The following RAB3C variants were observed in gnomAD, a reference collection of about 807,000 sequenced individuals.
RAB3C encodes RAB3C, member RAS oncogene family.
In RAB3C, 17 loss-of-function variants were observed where a neutral mutation model predicts 26.4. That is an observed-to-expected ratio of 0.64 (90% CI 0.44 to 0.97). The LOEUF is 0.97. Among genes scored for constraint, RAB3C ranks in the 50% least tolerant of loss-of-function variants. The pLI, the probability that RAB3C is intolerant of heterozygous loss-of-function variation, is 0.00. For missense variants in RAB3C, 242 were observed against 281.9 expected, an observed-to-expected ratio of 0.86 and a Z score of 1.01; for synonymous variants, 91 against 95.9, an observed-to-expected ratio of 0.95 and a Z score of 0.30.
At chr5:58,748,772 T>C (rs902996019) in intron 3 of RAB3C, among the ~76,000 whole-genome samples, 1 of 152,216 alleles carries the variant, frequency 6.6e-6, no homozygotes, top group African/African-American at 2.4e-5. Flanking sequence ...CTCCTTCTTC[T>C]ATAACATAGT....
chr5:58,753,051 G>A (rs1003547769), intron 3 of RAB3C, among the ~76,000 whole-genome samples: 4 of 152,004 alleles, frequency 2.6e-5, no homozygotes, highest in African/African-American at 9.7e-5. Context: ...CAGAAAAATG[G>A]TTAATAGGAT....
At chr5:58,651,627 A>G (rs754412999) in intron 2 of RAB3C, among the ~76,000 whole-genome samples, 2 of 152,208 alleles carry the variant, frequency 1.3e-5, no homozygotes, top group Non-Finnish European at 2.9e-5. Flanking sequence ...TTCAACTTCA[A>G]TGAATTTATT....
intron 3 of RAB3C, among the ~76,000 whole-genome samples, chr5:58,765,515 A>G (rs574763632): frequency 1.3e-5 from 2 of 152,326 alleles, no homozygotes; most frequent in African/African-American, 4.8e-5. Context: ...ACCACCATCA[A>G]TATTTGCTGT....
At chr5:58,597,780 A>G in intron 1 of RAB3C, among the ~76,000 whole-genome samples, 1 of 93,304 alleles carries the variant, frequency 1.1e-5, no homozygotes, top group Non-Finnish European at 1.9e-5. Context: ...ATAATACATT[A>G]TATATAAGTA....
chr5:58,817,471 A>G (rs1743241932), intron 3 of RAB3C, among the ~76,000 whole-genome samples: 1 of 152,164 alleles, frequency 6.6e-6, no homozygotes, highest in African/African-American at 2.4e-5. Context: ...CATTTATAGC[A>G]TGTGTAACTA....
chr5:58,823,606 A>C lies in RAB3C; in HGVS notation c.372-1432A>C, dbSNP rs76012011. The C allele has an allele frequency of 4.5e-3, 923 of 207,156 alleles. 12 individuals are homozygous for C. The highest frequency in any genetic ancestry group is 0.02 in the African/African-American group (877 of 43,286). The allele number at this position is 207,156 out of a possible 1,614,324, so 12.8% of individuals were successfully genotyped here. On this transcript the variant is annotated intron_variant, in intron 3 of 4. Transcript: ENST00000282878. ...TATGAGAAGCCCAAGAAAGAAGTTA[A>C]AAACAGCAGGTGGAAACATCCCAAA... is the stretch of plus-strand genomic sequence containing the variant.
chr5:58,717,327 A>C (rs973530908), intron 2 of RAB3C, among the ~76,000 whole-genome samples: 2 of 152,080 alleles, frequency 1.3e-5, no homozygotes, highest in African/African-American at 4.8e-5. Context: ...TTGCTGTTTC[A>C]AAATCAGGGA....
At position 58,713,817 on chromosome 5, in the gene RAB3C, C is replaced by A. The variant is rs145172752; in HGVS notation, c.253-12185C>A. Among the ~76,000 whole-genome samples the A allele has an allele frequency of 2.7e-3, 411 of 152,214 alleles. 1 individual carries two copies. The highest frequency in any genetic ancestry group is 9.4e-3 in the African/African-American group (389 of 41,550). ...AAACACAGGCATAAACCAGGACATT[C>A]TTGGGCAAACTAGGACGTATGGTTA... On this transcript the variant is annotated intron_variant, in intron 2 of 4. Transcript: ENST00000282878.
At chr5:58,591,942 A>G (rs1222247537) in intron 1 of RAB3C, among the ~76,000 whole-genome samples, 1 of 140,130 alleles carries the variant, frequency 7.1e-6, no homozygotes, top group Admixed American at 7.6e-5. Context: ...CTTGTTGCGC[A>G]GGCTGGAGTG....
rs1310268103 is a variant in RAB3C, at chr5:58,847,652, T to C, written c.497-3512T>C. 2.0e-5 allele frequency among the ~76,000 whole-genome samples: 3 copies of C among 152,086 alleles called. No homozygotes were observed. The East Asian group carries it at 5.8e-4, about 29-fold the overall frequency. ...CATGAGCATCCTCATACACAGGTGA[T>C]TGAATGAAAAGACTGATTCGCTTGG... On this transcript the variant is annotated intron_variant, in intron 4 of 4. Transcript: ENST00000282878.
intron 1 of RAB3C, among the ~76,000 whole-genome samples, chr5:58,607,735 G>T (rs956774881): frequency 6.6e-6 from 1 of 152,212 alleles, no homozygotes; most frequent in Non-Finnish European, 1.5e-5. Flanking sequence ...CCCTACAAGT[G>T]AGAAGAGAGT....
At chr5:58,606,081 G>T (rs1746561989) in intron 1 of RAB3C, among the ~76,000 whole-genome samples, 1 of 152,196 alleles carries the variant, frequency 6.6e-6, no homozygotes, top group Non-Finnish European at 1.5e-5. Context: ...AGGGTGAGCT[G>T]AAGCAGGGTG....
At chr5:58,600,465 A>G (rs560157256) in intron 1 of RAB3C, among the ~76,000 whole-genome samples, 75 of 152,236 alleles carry the variant, frequency 4.9e-4, no homozygotes, top group Admixed American at 2.7e-3. Context: ...TTCTACCCAT[A>G]CATGAGCATG....
intron 3 of RAB3C, among the ~76,000 whole-genome samples, chr5:58,744,832 T>C (rs1561307736): frequency 6.6e-6 from 1 of 152,186 alleles, no homozygotes; most frequent in Admixed American, 6.5e-5. Flanking sequence ...TTTGTTTGCT[T>C]GCAATTGAAG....
At chr5:58,758,232 C>T (rs140607521) in intron 3 of RAB3C, among the ~76,000 whole-genome samples, 2,231 of 152,204 alleles carry the variant, frequency 0.015, 40 homozygotes, top group African/African-American at 0.049. Flanking sequence ...ACGTGAGCCA[C>T]GGTGCCCGGC....
chr5:58,797,728 T>A (rs1429419514), intron 3 of RAB3C, among the ~76,000 whole-genome samples: 1 of 152,016 alleles, frequency 6.6e-6, no homozygotes, highest in Non-Finnish European at 1.5e-5. Flanking sequence ...GAAGTATCAT[T>A]TAGAGCTCCA....
At chr5:58,775,093 G>C (rs1427352967) in intron 3 of RAB3C, among the ~76,000 whole-genome samples, 1 of 152,110 alleles carries the variant, frequency 6.6e-6, no homozygotes, top group Non-Finnish European at 1.5e-5. Flanking sequence ...ACCCTGGTTA[G>C]GAAGTGATTG....
chr5:58,717,412 G>C (rs916656866), intron 2 of RAB3C, among the ~76,000 whole-genome samples: 9 of 152,038 alleles, frequency 5.9e-5, no homozygotes, highest in Non-Finnish European at 1.3e-4. Flanking sequence ...TTCTTTCTTG[G>C]CTTCTTCAGT....
In RAB3C at chr5:58,690,641, A is replaced by G. The variant is rs543521483; in HGVS notation, c.253-35361A>G. On this transcript the variant is annotated intron_variant, in intron 2 of 4. Coordinates refer to ENST00000282878, the MANE Select transcript of RAB3C (RefSeq NM_138453.4). ...TTCACATAGTCTCTCCAACAGGGCA[A>G]TCCAGCTTCTTACGCAGCAGCTTAG... 2.0e-5 allele frequency among the ~76,000 whole-genome samples: 3 copies of G among 152,266 alleles called. No individual in the cohort carries two copies. In the East Asian group the frequency reaches 5.8e-4, roughly 29 times the overall value.
Sources: gnomAD v4.1 joint callset for allele counts (sites outside exome capture counted in the v4.1 genomes callset) on GRCh38, gnomAD v4.1.1 for gene constraint, MANE v1.5 for transcripts, NCBI Gene and HGNC (gene_info 2026-07-23, HGNC 2026-07-21) for gene names.